ATAD2B: variants seen among roughly 807,000 people sequenced by gnomAD.
ATAD2B encodes the protein ATPase family AAA domain-containing protein 2B.
A neutral mutation model predicts 167.6 loss-of-function variants in ATAD2B; 40 were observed. The ratio of observed to expected loss-of-function variants is 0.24; its 90% CI spans 0.19 to 0.31. The LOEUF (loss-of-function observed/expected upper bound fraction) is 0.31. Ranked by LOEUF, ATAD2B falls within the 10% of genes least tolerant of loss-of-function variation. ATAD2B has a pLI of 1.00. For synonymous variants in ATAD2B, 579 were observed against 596.5 expected (o/e 0.97, Z 0.43); for missense variants, 1,242 against 1,757.2 (o/e 0.71, Z 5.24).
Position 23,887,979 on chromosome 2 carries a change from C to T in ATAD2B, c.425G>A (p.Arg142Gln), listed in dbSNP as rs1029580293. The T allele has an allele frequency of 5.3e-5, 84 of 1,579,584 alleles. No homozygotes were observed. The highest frequency in any genetic ancestry group is 6.7e-5 in the Non-Finnish European group (78 of 1,167,768). Residue 142 changes from arginine (R) to glutamine (Q), a missense_variant, in exon 4 of 28, where the codon CGA becomes CAA. Arg to Gln is a conservative substitution (Grantham distance 43, BLOSUM62 1). Around this residue, in one of 9 missense-constraint regions of ATAD2B, gnomAD observed 199 missense variants for 194.9 expected, o/e 1.02. Transcript: ENST00000238789. ...CTTTTCCCCTCGAAGGGGATGGCTTCGAAGGGCTACAAGAAGAGAGATATT... is the reference window on the plus strand; with the variant it reads ...CTTTTCCCCTCGAAGGGGATGGCTTTGAAGGGCTACAAGAAGAGAGATATT... ...LPNGHSGLSL[R>Q]SHPLRGEKKG...
intron 17 of ATAD2B, among the ~76,000 whole-genome samples, chr2:23,813,984 C>G (rs550309303): frequency 2.6e-5 from 4 of 152,004 alleles, no homozygotes; most frequent in African/African-American, 9.7e-5. Context: ...AGGGCACGGT[C>G]GAACATGCCT....
chr2:23,913,553 T>C (rs961401785), intron 1 of ATAD2B, among the ~76,000 whole-genome samples: 7 of 151,676 alleles, frequency 4.6e-5, no homozygotes, highest in Admixed American at 3.3e-4. Context: ...AGCAGGAGAA[T>C]TGCTTTAACC....
intron 1 of ATAD2B, among the ~76,000 whole-genome samples, chr2:23,914,527 T>C (rs1466452175): frequency 2.0e-5 from 3 of 152,042 alleles, no homozygotes; most frequent in African/African-American, 4.8e-5. Flanking sequence ...ATGCCAAATA[T>C]TGGCAGGGAA....
At chr2:23,872,520 A>T (rs746699363) in intron 8 of ATAD2B, 8 of 848,914 alleles carry the variant, frequency 9.4e-6, no homozygotes, top group Non-Finnish European at 1.6e-5. Context: ...AAAACGGCAG[A>T]GCTCTGGCTT....
chr2:23,753,041 G>C (rs718139), intron 27 of ATAD2B, among the ~76,000 whole-genome samples: 1 of 151,922 alleles, frequency 6.6e-6, no homozygotes, highest in African/African-American at 2.4e-5. Context: ...ACTCTACCCC[G>C]CACATTTTAT....
chr2:23,692,444 G>T, the ATAD2B span, among the ~76,000 whole-genome samples: 1 of 152,244 alleles, frequency 6.6e-6, no homozygotes, highest in African/African-American at 2.4e-5. Flanking sequence ...CGACGGCAAG[G>T]TGAGGGAGGG....
chr2:23,823,442 A>T lies in ATAD2B; in HGVS notation c.1947T>A (p.Ser649Arg), dbSNP rs373950091. The change falls in exon 16 of 28, where the codon AGT becomes AGA. Residue 649 changes from serine (S) to arginine (R), a missense_variant. Physicochemically the swap from Ser to Arg is moderately radical, Grantham distance 110. This residue lies in a region of ATAD2B where 145 missense variants were observed against 181.9 expected (regional missense o/e 0.80). Coordinates refer to ENST00000238789, the MANE Select transcript of ATAD2B (RefSeq NM_017552.4). ...LQLDVSSIVL[S>R]AQDFYHAMQN... ...GCATTGCATGGTAAAAATCTTGGGC[A>T]CTAAGCACTATTGAGGAAACATCCA... is the stretch of plus-strand genomic sequence containing the variant. 87 of 1,613,880 alleles carry T rather than the reference A, an allele frequency of 5.4e-5. No individual in the cohort carries two copies. Among genetic ancestry groups the T allele is most frequent in the Non-Finnish European group, 7.2e-5 (85 of 1,179,902 alleles).
intron 1 of ATAD2B, among the ~76,000 whole-genome samples, chr2:23,914,259 T>C (rs1702706881): frequency 3.3e-5 from 5 of 152,086 alleles, no homozygotes; most frequent in Admixed American, 6.6e-5. Context: ...AAAACCTAAA[T>C]AGTAAAACTA....
intron 21 of ATAD2B, 126 bp downstream of exon 21, chr2:23,785,901 A>C (rs1680740701): frequency 2.4e-6 from 2 of 845,844 alleles, no homozygotes; most frequent in Non-Finnish European, 3.5e-6. Context: ...ACATGGATTA[A>C]AATTTTATAG....
the ATAD2B span, chr2:23,708,443 A>C: frequency 1.3e-5 from 2 of 152,224 alleles, no homozygotes; most frequent in Non-Finnish European, 2.9e-5. Flanking sequence ...GACTCAACAC[A>C]GATGACATTG....
chr2:23,765,397 A>C, intron 23 of ATAD2B, 109 bp downstream of exon 23: 1 of 913,890 alleles, frequency 1.1e-6, no homozygotes, highest in Non-Finnish European at 1.5e-6. Flanking sequence ...AAATACATTA[A>C]ATACATTACT....
At chr2:23,772,021 A>G (rs971583423) in intron 22 of ATAD2B, among the ~76,000 whole-genome samples, 1 of 152,166 alleles carries the variant, frequency 6.6e-6, no homozygotes, top group Admixed American at 6.5e-5. Context: ...AATTGTCTCC[A>G]GGCAACCACA....
chr2:23,736,233 C>A, the ATAD2B span, among the ~76,000 whole-genome samples: 1 of 152,130 alleles, frequency 6.6e-6, no homozygotes, highest in Non-Finnish European at 1.5e-5. Flanking sequence ...AGGAACCCCC[C>A]CCATTGTTAC....
At chr2:23,908,126 C>A (rs1353871854) in intron 1 of ATAD2B, among the ~76,000 whole-genome samples, 1 of 152,008 alleles carries the variant, frequency 6.6e-6, no homozygotes. Context: ...CAACAAAAGA[C>A]AAAATTGACA....
At chr2:23,700,799 A>AGAT in the ATAD2B span, among the ~76,000 whole-genome samples, 1 of 152,256 alleles carries the variant, frequency 6.6e-6, no homozygotes, top group African/African-American at 2.4e-5. The surrounding 1 kb of genome is among the most constrained non-coding windows in gnomAD (Gnocchi z 4.6). Flanking sequence ...GGCCTGCTGG[A>AGAT]GATTCCATCC....
intron 6 of ATAD2B, chr2:23,883,709 A>G (rs1248344537): frequency 1.4e-6 from 1 of 728,298 alleles, no homozygotes; most frequent in African/African-American, 1.9e-5. Flanking sequence ...TGACTAATAA[A>G]ATATTAACTA....
At chr2:23,685,405 T>C in the ATAD2B span, 1 of 152,364 alleles carries the variant, frequency 6.6e-6, no homozygotes, top group Admixed American at 6.5e-5. Context: ...TTAACGCCGC[T>C]GCTCCTCTTG....
intron 17 of ATAD2B, among the ~76,000 whole-genome samples, chr2:23,818,165 AGAAGAGAGGGAGAGGGAGAGAC>A: frequency 7.2e-6 from 1 of 138,194 alleles, no homozygotes; most frequent in African/African-American, 2.6e-5. Context: ...GAGGGAGGGA[AGAAGAGAGGGAGAGGGAGAGAC>A]GGAGGGAGGG....
At chr2:23,875,565 A>G (rs1239462857) in intron 8 of ATAD2B, among the ~76,000 whole-genome samples, 4 of 152,158 alleles carry the variant, frequency 2.6e-5, no homozygotes, top group East Asian at 1.9e-4. Context: ...AATTAGGGGG[A>G]AAAATATCAC....
Sources: gnomAD v4.1 joint callset for allele counts (sites outside exome capture counted in the v4.1 genomes callset) on GRCh38, gnomAD v4.1.1 for gene constraint, gnomAD v4.1.1 regional missense constraint, Gnocchi (gnomAD v3.1) non-coding constraint, MANE v1.5 for transcripts, NCBI Gene and HGNC (gene_info 2026-07-23, HGNC 2026-07-21) for gene names.